The following PER3 variants were observed in gnomAD, a reference collection of about 807,000 sequenced individuals.
The protein encoded by PER3 is period circadian regulator 3, also known as period circadian protein homolog 3.
Under a neutral mutation model 127.2 loss-of-function variants are expected in PER3, and 107 were observed. The ratio of observed to expected loss-of-function variants is 0.84; its 90% CI spans 0.72 to 0.99. The LOEUF is 0.99. PER3 is among the 50% of genes least tolerant of loss of function. The probability of loss-of-function intolerance (pLI) is 0.00; values close to 1 mark genes in which losing one functional copy is unlikely to be tolerated. For synonymous variants in PER3, 618 were observed against 585.8 expected, an observed-to-expected ratio of 1.05 and a Z score of -0.79; for missense variants, 1,560 against 1,525.8, an observed-to-expected ratio of 1.02 and a Z score of -0.37.
chr1:7,799,216 CAAT>C (rs944323829), intron 7 of PER3, among the ~76,000 whole-genome samples: 1 of 152,044 alleles, frequency 6.6e-6, no homozygotes, highest in African/African-American at 2.4e-5. Context: ...AACAGTCACA[CAAT>C]AAAAACCACA....
In PER3 at chr1:7,829,856, G is replaced by T; in HGVS notation, c.2909G>T (p.Gly970Val). 6.2e-7 allele frequency: 1 copy of T among 1,613,982 alleles called. No homozygotes were observed. The highest frequency in any genetic ancestry group is 1.1e-5 in the South Asian group (1 of 91,082). ...TAGCAGTGTGTTACAGGCAACAATG[G>T]CAGTGAGAGCAGTCCTGCTACTACC... is the stretch of plus-strand genomic sequence containing the variant. ...TEYQCVTGNN[G>V]SESSPATTGA... Residue 970 changes from glycine to valine, a missense_variant, in exon 19 of 22, where the codon GGC becomes GTC. Coordinates refer to ENST00000377532, the MANE Select transcript of PER3 (RefSeq NM_001377275.1).
chr1:7,794,970 C>T (rs1394974799), intron 6 of PER3, among the ~76,000 whole-genome samples: 1 of 151,714 alleles, frequency 6.6e-6, no homozygotes, highest in African/African-American at 2.4e-5. Context: ...TTGTGATTGC[C>T]AGTTTTAGTA....
Position 7,788,193 on chromosome 1 carries a change from A to C in PER3, c.539A>C (p.Tyr180Ser). 4 of 1,614,120 alleles carry C rather than the reference A, an allele frequency of 2.5e-6. No homozygotes were observed. The highest frequency in any genetic ancestry group is 3.4e-6 in the Non-Finnish European group (4 of 1,179,990). The change falls in exon 5 of 22, where the codon TAC becomes TCC. Residue 180 changes from tyrosine to serine, a missense_variant. By Grantham distance (144) the Tyr-to-Ser change is moderately radical (BLOSUM62 -2). Around this residue, in one of 3 missense-constraint regions of PER3, gnomAD observed 1,332 missense variants for 1,223.6 expected, o/e 1.09. Transcript: ENST00000377532. ...GCACCTCAAGACATGAGGGTATTCTACGCGCACACTGCCAGAGCTCAGCTT... is the reference window on the plus strand; with the variant it reads ...GCACCTCAAGACATGAGGGTATTCTCCGCGCACACTGCCAGAGCTCAGCTT... The part of the protein sequence containing the change: ...LLAPQDMRVF[Y>S]AHTARAQLPF...
At position 7,788,165 on chromosome 1, in the gene PER3, C is replaced by T. The variant is rs754947224; in HGVS notation, c.511C>T (p.Leu171Phe). ...GGCGTCTTCTCACTTTGTTGACCTG[C>T]TTGCACCTCAAGACATGAGGGTATT... ...VLASSHFVDL[L>F]APQDMRVFYA... Residue 171 changes from leucine (L) to phenylalanine (F), a missense_variant, in exon 5 of 22, where the codon CTT (leucine) becomes TTT (phenylalanine). This residue lies in a region of PER3 where 1,332 missense variants were observed against 1,223.6 expected (regional missense o/e 1.09). Transcript: ENST00000377532. The T allele has an allele frequency of 1.1e-5, 17 of 1,613,858 alleles. No homozygotes were observed. Among genetic ancestry groups the T allele is most frequent in the East Asian group, 2.2e-5 (1 of 44,886 alleles).
intron 6 of PER3, among the ~76,000 whole-genome samples, chr1:7,798,157 C>T (rs757389178): frequency 6.6e-6 from 1 of 152,190 alleles, no homozygotes; most frequent in Non-Finnish European, 1.5e-5. Flanking sequence ...ACCCTGTTTT[C>T]TCTCTTGTGA....
intron 8 of PER3, 132 bp from the exon 9 acceptor site, chr1:7,802,915 T>C: frequency 1.5e-6 from 1 of 673,250 alleles, no homozygotes; most frequent in East Asian, 2.7e-5. Flanking sequence ...TCTTTGCTGT[T>C]TTTATAAATG....
At chr1:7,790,741 T>TAC (rs2097115437) in intron 5 of PER3, among the ~76,000 whole-genome samples, 1 of 152,176 alleles carries the variant, frequency 6.6e-6, no homozygotes, top group African/African-American at 2.4e-5. Flanking sequence ...ATCTCCTAGG[T>TAC]ACAATAGACG....
chr1:7,837,247 T>A, intron 21 of PER3, 98 bp downstream of exon 21: 1 of 957,244 alleles, frequency 1.0e-6, no homozygotes, highest in Non-Finnish European at 1.6e-6. Context: ...CTAAAAACTT[T>A]AATCCTCACA....
chr1:7,789,518 C>T (rs1015936770), intron 5 of PER3, among the ~76,000 whole-genome samples: 5 of 152,198 alleles, frequency 3.3e-5, no homozygotes, highest in Admixed American at 2.0e-4. Flanking sequence ...TCCTCAGCCA[C>T]GTGGAACTGT....
chr1:7,837,237 C>G, intron 21 of PER3, 88 bp downstream of exon 21: 2 of 1,123,174 alleles, frequency 1.8e-6, no homozygotes, highest in Non-Finnish European at 1.3e-6. Flanking sequence ...CATGATCCCA[C>G]TAAAAACTTT....
At chr1:7,816,308 AGAAAG>A (rs1396329175) in intron 13 of PER3, among the ~76,000 whole-genome samples, 3 of 152,188 alleles carry the variant, frequency 2.0e-5, no homozygotes, top group Non-Finnish European at 2.9e-5. Context: ...ACAAAAGAAA[AGAAAG>A]GAAGGACAGG....
chr1:7,831,515 TGG>T (rs1299523662), intron 19 of PER3, among the ~76,000 whole-genome samples: 1 of 152,234 alleles, frequency 6.6e-6, no homozygotes, highest in Non-Finnish European at 1.5e-5. Context: ...GACACTTGCC[TGG>T]TTCACAGTCT....
intron 10 of PER3, among the ~76,000 whole-genome samples, chr1:7,805,642 C>A (rs572432427): frequency 1.3e-5 from 2 of 152,256 alleles, no homozygotes; most frequent in East Asian, 3.9e-4. Flanking sequence ...CCCCATACCC[C>A]CCAAGTACGG....
At chr1:7,792,377 TGTG>T (rs1256318069) in intron 5 of PER3, among the ~76,000 whole-genome samples, 1 of 148,982 alleles carries the variant, frequency 6.7e-6, no homozygotes, top group Non-Finnish European at 1.5e-5. Context: ...TCCCTTGACA[TGTG>T]GGGATTATGG....
At chr1:7,828,349 C>T (rs2097312865) in intron 18 of PER3, among the ~76,000 whole-genome samples, 2 of 152,038 alleles carry the variant, frequency 1.3e-5, no homozygotes, top group South Asian at 4.1e-4. Context: ...TTTTCAAAAC[C>T]AAAAGCTTTT....
In PER3 at chr1:7,810,439, T is replaced by A; in HGVS notation, c.1373T>A (p.Met458Lys). ...TATTTTATCATTCCTTTCCCTAAGA[T>A]GACCTTGCAGCAGGTCTATGCCAGT... The part of the protein sequence containing the change: ...HRVEETKAEQ[M>K]TLQQVYASVN... Residue 458 changes from methionine (M) to lysine (K), a missense_variant and splice_region_variant, in exon 13 of 22, where the codon ATG (methionine) becomes AAG (lysine). Physicochemically the swap from Met to Lys is moderately conservative, Grantham distance 95. This residue lies in a region of PER3 where 1,332 missense variants were observed against 1,223.6 expected (regional missense o/e 1.09). Transcript: ENST00000377532. The A allele has an allele frequency of 6.3e-7, 1 of 1,590,078 alleles. No homozygotes were observed. Among genetic ancestry groups the A allele is most frequent in the Non-Finnish European group, 8.6e-7 (1 of 1,168,942 alleles).
intron 13 of PER3, 69 bp downstream of exon 13, chr1:7,810,657 G>A (rs2097215463): frequency 7.0e-7 from 1 of 1,426,312 alleles, no homozygotes; most frequent in South Asian, 1.4e-5. Context: ...CGTCATGTAT[G>A]TGATTCGTGA....
intron 10 of PER3, among the ~76,000 whole-genome samples, chr1:7,804,145 T>A (rs957648332): frequency 1.1e-4 from 17 of 152,276 alleles, no homozygotes; most frequent in African/African-American, 2.9e-4. Flanking sequence ...TGGAAAAATA[T>A]TTGATTTTTA....
Position 7,826,493 on chromosome 1 carries a change from C to A in PER3, c.1971C>A (p.Thr657=). ...CTTCCACCTCAGCCAGGGATGCTAC[C>A]CTCTTCTGTGAGCCCTGGACCCTGA... ...VPPPETARDA[T]LFCEPWTLNM... Residue 657 remains threonine (T), a synonymous_variant, in exon 17 of 22, where the codon ACC becomes ACA. Coordinates refer to ENST00000377532, the MANE Select transcript of PER3 (RefSeq NM_001377275.1). The surrounding 1 kb of genome is among the most constrained non-coding windows in gnomAD (Gnocchi z 4.2). 6.2e-7 allele frequency: 1 copy of A among 1,607,078 alleles called. No homozygotes were observed. The highest frequency in any genetic ancestry group is 8.5e-7 in the Non-Finnish European group (1 of 1,173,826).
Sources: gnomAD v4.1 joint callset for allele counts (sites outside exome capture counted in the v4.1 genomes callset) on GRCh38, gnomAD v4.1.1 for gene constraint, gnomAD v4.1.1 regional missense constraint, Gnocchi (gnomAD v3.1) non-coding constraint, MANE v1.5 for transcripts, NCBI Gene and HGNC (gene_info 2026-07-23, HGNC 2026-07-21) for gene names.